The following OR51B5 variants were observed in gnomAD, a reference collection of about 807,000 sequenced individuals.
The protein encoded by OR51B5 is olfactory receptor 51B5.
For missense variants in OR51B5, 456 were observed against 374.6 expected (o/e 1.22, Z -1.79); for synonymous variants, 186 against 144.8 (o/e 1.28, Z -2.04).
upstream of OR51B5, among the ~76,000 whole-genome samples, chr11:5,344,217 A>G (rs998440647): frequency 3.3e-5 from 5 of 152,236 alleles, no homozygotes; most frequent in Non-Finnish European, 7.3e-5. Flanking sequence ...AGCTCAGTCT[A>G]ATTATAAGTT....
At chr11:5,420,794 A>G (rs1333107412) in intron 1 of OR51B5, among the ~76,000 whole-genome samples, 1 of 152,180 alleles carries the variant, frequency 6.6e-6, no homozygotes, top group East Asian at 1.9e-4. Context: ...ATAGCTAACT[A>G]TTGAATAATT....
chr11:5,378,098 G>T lies in OR51B5; in HGVS notation n.85-31188C>A, dbSNP rs1457472047. 6.6e-5 allele frequency among the ~76,000 whole-genome samples: 10 copies of T among 151,948 alleles called. No individual in the cohort carries two copies. The South Asian group carries it at 1.9e-3, about 28-fold the overall frequency. On this transcript the variant is annotated intron_variant and non_coding_transcript_variant, in intron 1 of 4. Coordinates refer to the OR51B5 transcript ENST00000415970. Reference sequence around the variant, plus strand: ...ACAGTAACCAAAACAGCATGTTACTGGTACCAAAACACAGATATAGATCAA... The same window carrying T: ...ACAGTAACCAAAACAGCATGTTACTTGTACCAAAACACAGATATAGATCAA...
At chr11:5,488,202 A>G in intron 1 of OR51B5, among the ~76,000 whole-genome samples, 1 of 152,192 alleles carries the variant, frequency 6.6e-6, no homozygotes, top group East Asian at 1.9e-4. Context: ...AGATAGTGGA[A>G]GTAGGAAAAA....
At chr11:5,340,500 GAAAAATTCTTTTTA>G (rs1848877498), downstream of OR51B5, 1 of 150,196 alleles carries the variant, frequency 6.7e-6, no homozygotes, top group African/African-American at 2.4e-5. Flanking sequence ...ATGTCATATT[GAAAAATTCTTTTTA>G]AAAAAGTTCT....
chr11:5,401,590 CT>C lies in OR51B5; in HGVS notation n.85-54681del, dbSNP rs578175163. 8.4e-4 allele frequency among the ~76,000 whole-genome samples: 128 copies of C among 152,292 alleles called. 1 individual carries two copies. The highest frequency in any genetic ancestry group is 4.3e-3 in the Admixed American group (65 of 15,292). On this transcript the variant is annotated intron_variant and non_coding_transcript_variant, in intron 1 of 4. Transcript: ENST00000415970. ...TATTCATTCTTCAGGTAATTTTTAGCTCTTTTTATATACCATGCTATAGACC... is the reference window on the plus strand; with the variant it reads ...TATTCATTCTTCAGGTAATTTTTAGCCTTTTTATATACCATGCTATAGACC...
chr11:5,423,077 A>C, intron 1 of OR51B5: 1 of 1,614,094 alleles, frequency 6.2e-7, no homozygotes, highest in South Asian at 1.1e-5. Flanking sequence ...GAACCCCATC[A>C]TTTACAGTGT....
rs375153622 is a variant in OR51B5 at position 5,389,915 on chromosome 11, C to T, written n.85-43005G>A. ...ACCTGTGGCCACTATCCCTATTGTCCTCCTCCTGAAGGCTTTTCCCTACTG... is the reference window on the plus strand; with the variant it reads ...ACCTGTGGCCACTATCCCTATTGTCTTCCTCCTGAAGGCTTTTCCCTACTG... On this transcript the variant is annotated intron_variant and non_coding_transcript_variant, in intron 1 of 4. Coordinates refer to the OR51B5 transcript ENST00000415970. 5.6e-6 allele frequency: 9 copies of T among 1,611,782 alleles called. No individual in the cohort carries two copies. The Admixed American group carries it at 1.2e-4, about 21-fold the overall frequency.
intron 1 of OR51B5, among the ~76,000 whole-genome samples, chr11:5,367,765 C>A (rs1315206987): frequency 6.6e-6 from 1 of 152,162 alleles, no homozygotes; most frequent in African/African-American, 2.4e-5. Flanking sequence ...GGTTCAAATG[C>A]CTCTGACAAA....
At chr11:5,347,960 G>A (rs1425609785), upstream of OR51B5, among the ~76,000 whole-genome samples, 3 of 152,116 alleles carry the variant, frequency 2.0e-5, no homozygotes, top group African/African-American at 7.2e-5. Context: ...ACATGACTAT[G>A]GAACTGAAGA....
chr11:5,352,757 TACACACATACATATAC>T (rs1176882178), intron 1 of OR51B5, among the ~76,000 whole-genome samples: 1 of 149,924 alleles, frequency 6.7e-6, no homozygotes, highest in Non-Finnish European at 1.5e-5. Context: ...CATACATACT[TACACACATACATATAC>T]ACACACAGAT....
chr11:5,464,131 C>G (rs1414646667), intron 1 of OR51B5, among the ~76,000 whole-genome samples: 1 of 152,182 alleles, frequency 6.6e-6, no homozygotes, highest in African/African-American at 2.4e-5. Context: ...AACCTAATGT[C>G]TCTGACTGGG....
intron 1 of OR51B5, among the ~76,000 whole-genome samples, chr11:5,397,481 C>G (rs1849895738): frequency 6.6e-6 from 1 of 151,482 alleles, no homozygotes; most frequent in Non-Finnish European, 1.5e-5. Flanking sequence ...CAGAGAAATG[C>G]AAATCAAAAC....
chr11:5,390,325 G>A, intron 1 of OR51B5: 1 of 1,613,150 alleles, frequency 6.2e-7, no homozygotes. Flanking sequence ...TTAAGACCAA[G>A]GAGATCCACC....
upstream of OR51B5, among the ~76,000 whole-genome samples, chr11:5,347,403 C>T (rs910914242): frequency 1.3e-5 from 2 of 152,212 alleles, no homozygotes; most frequent in Non-Finnish European, 2.9e-5. Flanking sequence ...CGTGAACGCA[C>T]ATTCTGCAGT....
intron 1 of OR51B5, among the ~76,000 whole-genome samples, chr11:5,375,395 A>C (rs1298650619): frequency 6.7e-6 from 1 of 149,394 alleles, no homozygotes; most frequent in Non-Finnish European, 1.5e-5. Flanking sequence ...AAATGTGAAG[A>C]CCATCAAGAC....
At position 5,343,030 on chromosome 11, in the gene OR51B5, CAGAAAAAAAT is replaced by C; in HGVS notation, c.485_494del (p.Tyr162CysfsTer37). 6.2e-7 allele frequency: 1 copy of C among 1,613,600 alleles called. No homozygotes were observed. On this transcript the variant is annotated frameshift_variant, in exon 1 of 1. Transcript: ENST00000300773. LOFTEE classifies it low-confidence loss of function (END_TRUNC). ...GTGAAAGAACATGGGAGTGACAATA[CAGAAAAAAAT>C]AGAGGGGCCTGATTGGGGGAACAAC...
At chr11:5,469,493 G>C (rs1160305367) in intron 1 of OR51B5, 1 of 152,140 alleles carries the variant, frequency 6.6e-6, no homozygotes, top group Non-Finnish European at 1.5e-5. Context: ...GAGAAGTGAA[G>C]ACTAGGAGTG....
chr11:5,426,481 G>A (rs945206106), intron 1 of OR51B5, among the ~76,000 whole-genome samples: 12 of 152,028 alleles, frequency 7.9e-5, no homozygotes, highest in African/African-American at 1.9e-4. Context: ...AAATAATTCC[G>A]GGGAAGGGGG....
intron 1 of OR51B5, among the ~76,000 whole-genome samples, chr11:5,504,183 AGTTTT>A (rs1231501654): frequency 6.6e-6 from 1 of 152,230 alleles, no homozygotes; most frequent in Non-Finnish European, 1.5e-5. Context: ...TGAAGATATT[AGTTTT>A]GTTTTTTTAA....
Sources: allele counts gnomAD v4.1 joint callset (sites outside exome capture counted in the v4.1 genomes callset), GRCh38; gene constraint gnomAD v4.1.1; transcripts MANE v1.5; gene names NCBI Gene and HGNC (gene_info 2026-07-23, HGNC 2026-07-21).